The following CCSER1 variants were observed in gnomAD, a reference collection of about 807,000 sequenced individuals.
CCSER1 encodes the protein coiled-coil serine rich protein 1.
CCSER1 carries 41 observed loss-of-function variants against 82.0 expected under a neutral mutation model. The observed-to-expected ratio is 0.50, with a 90% confidence interval of 0.39 to 0.65. CCSER1 has a LOEUF of 0.65. CCSER1 is among the 30% of genes least tolerant of loss of function. CCSER1 has a pLI of 0.00. For synonymous variants in CCSER1, 414 were observed against 383.9 expected (o/e 1.08, Z -0.92); for missense variants, 1,119 against 1,064.2 (o/e 1.05, Z -0.72).
chr4:90,588,673 G>T (rs951972710), intron 5 of CCSER1, among the ~76,000 whole-genome samples: 2 of 152,138 alleles, frequency 1.3e-5, no homozygotes, highest in South Asian at 4.1e-4. Context: ...TTGTGGGAGG[G>T]ACCCAGTGGG....
At chr4:90,642,904 T>C (rs1365216658) in intron 6 of CCSER1, among the ~76,000 whole-genome samples, 1 of 152,098 alleles carries the variant, frequency 6.6e-6, no homozygotes, top group African/African-American at 2.4e-5. Context: ...TTTTTTTTTT[T>C]TTTAAAGTAA....
intron 10 of CCSER1, among the ~76,000 whole-genome samples, chr4:91,503,599 TA>T (rs1759334568): frequency 1.3e-5 from 2 of 151,972 alleles, no homozygotes; most frequent in Admixed American, 1.3e-4. Context: ...TGTTTTGAGC[TA>T]AAAAATGTTA....
At chr4:90,261,474 G>C (rs1724322445) in intron 1 of CCSER1, among the ~76,000 whole-genome samples, 1 of 152,136 alleles carries the variant, frequency 6.6e-6, no homozygotes, top group African/African-American at 2.4e-5. Flanking sequence ...TCTTCTGTTA[G>C]TCTGATAGCT....
At chr4:91,013,987 A>T (rs1412451621) in intron 9 of CCSER1, among the ~76,000 whole-genome samples, 1 of 132,012 alleles carries the variant, frequency 7.6e-6, no homozygotes, top group African/African-American at 2.5e-5. Context: ...ATGCCAAGGG[A>T]TTTTCATAGG....
At chr4:90,706,023 A>G (rs1457114374) in intron 6 of CCSER1, among the ~76,000 whole-genome samples, 1 of 152,078 alleles carries the variant, frequency 6.6e-6, no homozygotes, top group Non-Finnish European at 1.5e-5. Flanking sequence ...TGAACCTGGT[A>G]CCTCAGTTGG....
intron 10 of CCSER1, among the ~76,000 whole-genome samples, chr4:91,338,900 A>ACC (rs980256718): frequency 1.2e-4 from 19 of 152,176 alleles, no homozygotes; most frequent in African/African-American, 4.3e-4. Flanking sequence ...TTGTTTTAAC[A>ACC]CCACGTAGCA....
intron 5 of CCSER1, among the ~76,000 whole-genome samples, chr4:90,524,144 T>A (rs1056160287): frequency 1.3e-5 from 2 of 152,210 alleles, no homozygotes; most frequent in Non-Finnish European, 2.9e-5. Context: ...GAGTTAGAAC[T>A]GTTTTAATCT....
intron 10 of CCSER1, among the ~76,000 whole-genome samples, chr4:91,189,835 A>G (rs1228257964): frequency 6.6e-6 from 1 of 152,194 alleles, no homozygotes; most frequent in Non-Finnish European, 1.5e-5. Flanking sequence ...TTTTTGAATA[A>G]TAATTTAACA....
intron 4 of CCSER1, among the ~76,000 whole-genome samples, chr4:90,407,939 T>G (rs1478560979): frequency 6.6e-6 from 1 of 152,294 alleles, no homozygotes; most frequent in South Asian, 2.1e-4. Context: ...CCTACCCTAA[T>G]ACTGCACTTT....
At chr4:90,591,013 C>T (rs544156290) in intron 5 of CCSER1, among the ~76,000 whole-genome samples, 18 of 152,234 alleles carry the variant, frequency 1.2e-4, no homozygotes, top group African/African-American at 2.2e-4. Context: ...AGGTCCTTCA[C>T]GTCCCTTGTA....
intron 5 of CCSER1, among the ~76,000 whole-genome samples, chr4:90,478,794 T>G (rs1214321644): frequency 6.6e-6 from 1 of 151,054 alleles, no homozygotes; most frequent in Non-Finnish European, 1.5e-5. Context: ...AGGCTGGAGT[T>G]CAGTGGCGCA....
intron 10 of CCSER1, among the ~76,000 whole-genome samples, chr4:91,188,616 T>C (rs1734761002): frequency 6.6e-6 from 1 of 152,226 alleles, no homozygotes; most frequent in East Asian, 1.9e-4. Flanking sequence ...TGGAACTTAA[T>C]GTAGAATAGC....
At chr4:90,963,416 T>A (rs1337389070) in intron 9 of CCSER1, among the ~76,000 whole-genome samples, 1 of 152,160 alleles carries the variant, frequency 6.6e-6, no homozygotes, top group Admixed American at 6.5e-5. Flanking sequence ...ATATACATTT[T>A]TTTTGTTATG....
At chr4:90,354,075 A>T (rs1181013194) in intron 3 of CCSER1, among the ~76,000 whole-genome samples, 3 of 152,198 alleles carry the variant, frequency 2.0e-5, no homozygotes, top group Non-Finnish European at 4.4e-5. Flanking sequence ...CAGATAAAGA[A>T]TATGTGGTAT....
At chr4:90,666,753 A>C (rs1430390945) in intron 6 of CCSER1, among the ~76,000 whole-genome samples, 1 of 152,174 alleles carries the variant, frequency 6.6e-6, no homozygotes, top group Non-Finnish European at 1.5e-5. Context: ...TAGTCATTCA[A>C]AGAGTTCATA....
intron 1 of CCSER1, among the ~76,000 whole-genome samples, chr4:90,276,243 TTTCTTTCTTTCCTTCC>T (rs1303927810): frequency 1.0e-3 from 110 of 108,390 alleles, no homozygotes; most frequent in Middle Eastern, 4.3e-3. Context: ...TCTTTCTTTC[TTTCTTTCTTTCCTTCC>T]TTCCTTCCTT....
At chr4:90,276,895 C>T (rs1464890110) in intron 1 of CCSER1, among the ~76,000 whole-genome samples, 1 of 152,058 alleles carries the variant, frequency 6.6e-6, no homozygotes, top group Non-Finnish European at 1.5e-5. Context: ...TGACTTGACT[C>T]TCAGCTAGAA....
At chr4:91,480,190 C>T (rs1379568655) in intron 10 of CCSER1, among the ~76,000 whole-genome samples, 2 of 151,910 alleles carry the variant, frequency 1.3e-5, no homozygotes, top group East Asian at 3.9e-4. Flanking sequence ...GTGAATAATG[C>T]CGCAATGAAC....
At chr4:90,627,929 C>T in intron 5 of CCSER1, 96 bp from the exon 6 acceptor site, 1 of 877,074 alleles carries the variant, frequency 1.1e-6, no homozygotes, top group Admixed American at 2.2e-5. Flanking sequence ...ACAAGAAATA[C>T]TTTCTAGGAT....
Sources: gnomAD v4.1 joint callset for allele counts (sites outside exome capture counted in the v4.1 genomes callset) on GRCh38, gnomAD v4.1.1 for gene constraint, MANE v1.5 for transcripts, NCBI Gene and HGNC (gene_info 2026-07-23, HGNC 2026-07-21) for gene names.